The following RASA3 variants were observed in gnomAD, a reference collection of about 807,000 sequenced individuals.
RASA3 encodes RAS p21 protein activator 3.
In RASA3, 73 loss-of-function variants were observed where a neutral mutation model predicts 110.0. The ratio of observed to expected loss-of-function variants is 0.66; its 90% CI spans 0.55 to 0.81. The LOEUF is 0.81. Among genes scored for constraint, RASA3 ranks in the 30% least tolerant of loss-of-function variants. The probability of loss-of-function intolerance (pLI) is 0.00; values close to 1 mark genes in which losing one functional copy is unlikely to be tolerated. For synonymous variants in RASA3, 500 were observed against 451.4 expected, an observed-to-expected ratio of 1.11 and a Z score of -1.37; for missense variants, 976 against 1,113.2, an observed-to-expected ratio of 0.88 and a Z score of 1.75.
chr13:114,038,032 T>A (rs1197091660), intron 4 of RASA3, among the ~76,000 whole-genome samples: 3 of 152,072 alleles, frequency 2.0e-5, no homozygotes, highest in Admixed American at 2.0e-4. Flanking sequence ...GTGTACTGTT[T>A]TGATGCCTTC....
At chr13:114,067,923 C>T (rs971154797) in intron 2 of RASA3, among the ~76,000 whole-genome samples, 1 of 152,242 alleles carries the variant, frequency 6.6e-6, no homozygotes, top group African/African-American at 2.4e-5. Flanking sequence ...CAAGAACTCC[C>T]CCATAATTCC....
chr13:113,979,572 C>A, intron 23 of RASA3, 150 bp from the exon 24 acceptor site: 1 of 681,554 alleles, frequency 1.5e-6, no homozygotes, highest in Non-Finnish European at 2.6e-6. Flanking sequence ...CCACAGTGCC[C>A]CCGGAAGCAC....
At chr13:114,072,794 G>T (rs1644982807) in intron 2 of RASA3, among the ~76,000 whole-genome samples, 1 of 152,194 alleles carries the variant, frequency 6.6e-6, no homozygotes, top group African/African-American at 2.4e-5. Context: ...ACATGCTCAG[G>T]ACATAATCTA....
intron 1 of RASA3, among the ~76,000 whole-genome samples, chr13:114,097,047 T>C (rs1378941500): frequency 2.0e-5 from 3 of 152,188 alleles, no homozygotes; most frequent in African/African-American, 4.8e-5. Context: ...TGAGTGTTCA[T>C]GGCGTCACAG....
chr13:114,007,695 G>A (rs1418422918), intron 17 of RASA3, 89 bp from the exon 18 acceptor site: 5 of 1,102,178 alleles, frequency 4.5e-6, no homozygotes, highest in African/African-American at 1.5e-5. Flanking sequence ...GGCGGCTACT[G>A]CCTCCTTTGT....
rs60456543 is a variant in RASA3 at position 114,079,978 on chromosome 13, C to G, written c.56-6141G>C. Among the ~76,000 whole-genome samples, 138 of 152,326 alleles carry G rather than the reference C, an allele frequency of 9.1e-4. 2 individuals carry two copies. The highest frequency in any genetic ancestry group is 3.3e-3 in the African/African-American group (136 of 41,580). ...GGACACAGCATGACCCTGACCCCCA[C>G]GACCCCTGGCAACACAAGTGCCTTC... On this transcript the variant is annotated intron_variant, in intron 1 of 23. Coordinates refer to ENST00000334062, the MANE Select transcript of RASA3 (RefSeq NM_007368.4).
At chr13:113,995,640 C>T (rs1391583865) in intron 21 of RASA3, among the ~76,000 whole-genome samples, 4 of 104,366 alleles carry the variant, frequency 3.8e-5, no homozygotes, top group Admixed American at 9.9e-5. Flanking sequence ...ACAGGGGGCC[C>T]AGCTGACGGG....
intron 1 of RASA3, among the ~76,000 whole-genome samples, chr13:114,098,684 A>G (rs1176515665): frequency 6.6e-6 from 1 of 152,084 alleles, no homozygotes; most frequent in African/African-American, 2.4e-5. Context: ...AGTCCAGAGG[A>G]GAGACCAGCC....
At chr13:114,016,399 C>G in intron 12 of RASA3, 128 bp from the exon 13 acceptor site, 1 of 717,362 alleles carries the variant, frequency 1.4e-6, no homozygotes, top group East Asian at 3.0e-5. Context: ...CACGACAGCT[C>G]CCCGAACCCG....
rs578144540 is a variant in RASA3 at position 114,112,353 on chromosome 13, G to A, written c.55+20082C>T. 2.0e-5 allele frequency among the ~76,000 whole-genome samples: 3 copies of A among 152,196 alleles called. No homozygotes were observed. The highest frequency in any genetic ancestry group is 2.1e-4 in the South Asian group (1 of 4,824). On this transcript the variant is annotated intron_variant, in intron 1 of 23. Transcript: ENST00000334062. The surrounding 1 kb of genome is among the most constrained non-coding windows in gnomAD (Gnocchi z 4.8). ...TGGCCGGGTGGAGGATTTCTACCAC[G>A]AGAAAGTCAGGGCCCTCCCCGAAGG...
intron 22 of RASA3, among the ~76,000 whole-genome samples, 178 bp downstream of exon 22, chr13:113,992,307 T>C (rs987554307): frequency 1.3e-5 from 2 of 152,252 alleles, no homozygotes; most frequent in African/African-American, 4.8e-5. Flanking sequence ...GTCCCCCAGA[T>C]AGCTGCCTAC....
Position 114,012,945 on chromosome 13 carries a change from AACACTCCCCATTCCACAC to A in RASA3, c.1512+179_1512+196del, listed in dbSNP as rs1398108534. On this transcript the variant is annotated intron_variant, in intron 15 of 23. Transcript: ENST00000334062. ...CACTCCACACACTCCTCATTCCACA[AACACTCCCCATTCCACAC>A]ACACTCCCCACTCACTCCTCATTCC... 5.6e-3 allele frequency among the ~76,000 whole-genome samples: 358 copies of A among 63,986 alleles called. 2 individuals carry two copies. The highest frequency in any genetic ancestry group is 0.02 in the African/African-American group (317 of 16,058). 42.0% of individuals were successfully genotyped at this position (63,986 alleles called of 152,430 possible).
At chr13:114,081,621 A>T (rs1358629132) in intron 1 of RASA3, among the ~76,000 whole-genome samples, 2 of 152,184 alleles carry the variant, frequency 1.3e-5, no homozygotes, top group Non-Finnish European at 1.5e-5. Context: ...ACAGGTAATA[A>T]AATATGGGAA....
chr13:114,087,226 A>C (rs9525251), intron 1 of RASA3, among the ~76,000 whole-genome samples: 578 of 35,830 alleles, frequency 0.016, 48 homozygotes, highest in Admixed American at 0.08. Context: ...CGGGGAAATC[A>C]CGGGGAAGTG....
At chr13:114,025,653 G>A (rs1169644005) in intron 7 of RASA3, among the ~76,000 whole-genome samples, 2 of 152,262 alleles carry the variant, frequency 1.3e-5, no homozygotes, top group African/African-American at 2.4e-5. Context: ...CACCTGACAC[G>A]TGTTGAGTGA....
chr13:114,057,539 G>A lies in RASA3; in HGVS notation c.174-5384C>T. The stretch of plus-strand genomic sequence containing the variant: ...ATGATTTATTTAGGGAATAAGAAGG[G>A]CGATTCCAGGGACAGTGGAGGCCCC... On this transcript the variant is annotated intron_variant, in intron 2 of 23. Coordinates refer to ENST00000334062, the MANE Select transcript of RASA3 (RefSeq NM_007368.4). This position sits in a 1 kb window ranked among gnomAD's most constrained non-coding sequence, Gnocchi z 5.0. 1 of 982,448 alleles carries A rather than the reference G, an allele frequency of 1.0e-6. No individual in the cohort carries two copies. The highest frequency in any genetic ancestry group is 1.2e-6 in the Non-Finnish European group (1 of 827,224). The allele number at this position is 982,448 out of a possible 1,614,324, so 60.9% of individuals were successfully genotyped here. A position where few individuals can be genotyped will look rare whatever the true frequency, so the allele number is the denominator to read the frequency against.
chr13:114,030,670 CTG>C lies in RASA3; in HGVS notation c.373-785_373-784del, dbSNP rs570634186. 3.1e-3 allele frequency among the ~76,000 whole-genome samples: 471 copies of C among 152,342 alleles called. 1 individual carries two copies. The highest frequency in any genetic ancestry group is 5.4e-3 in the Non-Finnish European group (364 of 68,030). On this transcript the variant is annotated intron_variant, in intron 4 of 23. Transcript: ENST00000334062. ...CTGCTGTGTCCATCCACCTGTCTGT[CTG>C]TGTGCACGGCTGTGGGTGTGTGTCC...
intron 22 of RASA3, among the ~76,000 whole-genome samples, chr13:113,984,475 C>T (rs2053006057): frequency 1.7e-5 from 1 of 58,174 alleles, no homozygotes. Flanking sequence ...CCCATCCGTC[C>T]ATCCACCCAT....
intron 1 of RASA3, among the ~76,000 whole-genome samples, chr13:114,089,514 G>T (rs954732150): frequency 6.6e-6 from 1 of 151,860 alleles, no homozygotes; most frequent in Non-Finnish European, 1.5e-5. Flanking sequence ...ACTAAGGAAC[G>T]CCTTTAGCCC....
Sources: allele counts gnomAD v4.1 joint callset (sites outside exome capture counted in the v4.1 genomes callset), GRCh38; gene constraint gnomAD v4.1.1; non-coding constraint Gnocchi (gnomAD v3.1); transcripts MANE v1.5; gene names NCBI Gene and HGNC (gene_info 2026-07-23, HGNC 2026-07-21).